The following TWIST2 variants were observed in gnomAD, a reference collection of about 807,000 sequenced individuals.
TWIST2 encodes the protein twist-related protein 2.
Under a neutral mutation model 11.6 loss-of-function variants are expected in TWIST2, and 1 was observed. That is an observed-to-expected ratio of 0.09 (90% CI 0.03 to 0.41). TWIST2 has a LOEUF of 0.41. Ranked by LOEUF, TWIST2 falls within the 10% of genes least tolerant of loss-of-function variation. TWIST2 has a pLI of 0.98. For synonymous variants in TWIST2, 87 were observed against 96.6 expected (o/e 0.90, Z 0.58); for missense variants, 168 against 226.4 (o/e 0.74, Z 1.66).
chr2:238,863,039 G>GTT lies in TWIST2; in HGVS notation c.*35+14318_*35+14319dup, dbSNP rs372449837. On this transcript the variant is annotated intron_variant, in intron 1 of 1. Coordinates refer to ENST00000612363, the MANE Select transcript of TWIST2 (RefSeq NM_001271893.4). The surrounding 1 kb of genome is among the most constrained non-coding windows in gnomAD (Gnocchi z 4.7). ...TGAAAGAGCTTCCTTTCCTTCTTAT[G>GTT]TTTTTTTTTTTTTAATTTCTAGATT... is the stretch of plus-strand genomic sequence containing the variant. 6.8e-6 allele frequency among the ~76,000 whole-genome samples: 1 copy of GTT among 146,484 alleles called. No homozygotes were observed. The highest frequency in any genetic ancestry group is 2.6e-5 in the African/African-American group (1 of 38,846).
In TWIST2 at chr2:238,867,337, A is replaced by G. The variant is rs1377714033; in HGVS notation, c.*35+18604A>G. Among the ~76,000 whole-genome samples the G allele has an allele frequency of 6.8e-6, 1 of 147,662 alleles. No individual in the cohort carries two copies. The highest frequency in any genetic ancestry group is 1.5e-5 in the Non-Finnish European group (1 of 67,296). On this transcript the variant is annotated intron_variant, in intron 1 of 1. Transcript: ENST00000612363. This position sits in a 1 kb window ranked among gnomAD's most constrained non-coding sequence, Gnocchi z 4.8. ...AGTGATTCATCTGATCTGGGATGGAAGATTATTCTGGGGAGTAAAATGTCC... is the reference window on the plus strand; with the variant it reads ...AGTGATTCATCTGATCTGGGATGGAGGATTATTCTGGGGAGTAAAATGTCC...
chr2:238,895,185 A>G (rs1693192886), intron 1 of TWIST2, among the ~76,000 whole-genome samples: 1 of 152,206 alleles, frequency 6.6e-6, no homozygotes, highest in Non-Finnish European at 1.5e-5. Context: ...ACATTTGTAA[A>G]GTTCACGCCC....
intron 1 of TWIST2, among the ~76,000 whole-genome samples, chr2:238,902,707 G>T (rs1368992619): frequency 8.0e-5 from 11 of 138,304 alleles, no homozygotes; most frequent in African/African-American, 2.8e-4. Context: ...TGATGTGTGA[G>T]GTGTGTGTGA....
rs1255819451 is a variant in TWIST2 at position 238,867,414 on chromosome 2, C to CACACACACACACACACA, written c.*35+18681_*35+18682insACACACACACACACACA. On this transcript the variant is annotated intron_variant, in intron 1 of 1. Coordinates refer to ENST00000612363, the MANE Select transcript of TWIST2 (RefSeq NM_001271893.4). The surrounding 1 kb of genome is among the most constrained non-coding windows in gnomAD (Gnocchi z 4.8). ...ACACACACACACACACACACACACT[C>CACACACACACACACACA]CTCAGTAAAATACCCAGTTCTCACC... is the stretch of plus-strand genomic sequence containing the variant. Among the ~76,000 whole-genome samples, 8 of 147,438 alleles carry CACACACACACACACACA rather than the reference C, an allele frequency of 5.4e-5. No individual in the cohort carries two copies. The highest frequency in any genetic ancestry group is 2.0e-4 in the East Asian group (1 of 5,058).
At chr2:238,874,538 G>A (rs1269302628) in intron 1 of TWIST2, among the ~76,000 whole-genome samples, 2 of 152,120 alleles carry the variant, frequency 1.3e-5, no homozygotes, top group Non-Finnish European at 1.5e-5. Flanking sequence ...CTGGTTGGAC[G>A]ACTCTCTCCC....
At chr2:238,862,037 G>A (rs568246476) in intron 1 of TWIST2, among the ~76,000 whole-genome samples, 9 of 152,346 alleles carry the variant, frequency 5.9e-5, no homozygotes, top group African/African-American at 1.9e-4. Context: ...CAGGCCAGCA[G>A]GGACAGTCAC....
At chr2:238,852,303 A>G (rs951629048) in intron 1 of TWIST2, among the ~76,000 whole-genome samples, 8 of 152,206 alleles carry the variant, frequency 5.3e-5, no homozygotes, top group Non-Finnish European at 8.8e-5. Flanking sequence ...TATTTATATT[A>G]ATCTATTCTC....
intron 1 of TWIST2, among the ~76,000 whole-genome samples, chr2:238,906,863 A>G (rs1414049551): frequency 6.6e-6 from 1 of 152,200 alleles, no homozygotes; most frequent in Non-Finnish European, 1.5e-5. Flanking sequence ...GCTCTGCGGG[A>G]GGAGGGTCTC....
At chr2:238,868,648 G>A (rs895733554) in intron 1 of TWIST2, among the ~76,000 whole-genome samples, 2 of 152,216 alleles carry the variant, frequency 1.3e-5, no homozygotes, top group Admixed American at 6.5e-5. Flanking sequence ...TGTGTCTGTG[G>A]GACAAGCCGT....
At chr2:238,902,740 T>G (rs1693287886) in intron 1 of TWIST2, among the ~76,000 whole-genome samples, 2 of 98,248 alleles carry the variant, frequency 2.0e-5, no homozygotes, top group East Asian at 2.9e-4. Flanking sequence ...GTAGTGTGTG[T>G]GATGGGTGTG....
At chr2:238,856,558 A>G (rs1161872911) in intron 1 of TWIST2, among the ~76,000 whole-genome samples, 1 of 152,176 alleles carries the variant, frequency 6.6e-6, no homozygotes, top group Non-Finnish European at 1.5e-5. Context: ...AGGACAAAAT[A>G]AAAGAGAAGG....
chr2:238,892,683 G>T (rs1031499295), intron 1 of TWIST2, among the ~76,000 whole-genome samples: 1 of 151,980 alleles, frequency 6.6e-6, no homozygotes, highest in Admixed American at 6.6e-5. Flanking sequence ...ATTTCACCAT[G>T]TTACCCAGGC....
intron 1 of TWIST2, among the ~76,000 whole-genome samples, chr2:238,860,397 C>A (rs1692410953): frequency 6.6e-6 from 1 of 152,206 alleles, no homozygotes; most frequent in East Asian, 1.9e-4. Flanking sequence ...AAACCGCCCA[C>A]CCAAGAGGGA....
At chr2:238,869,792 TAAA>T (rs1425427639) in intron 1 of TWIST2, among the ~76,000 whole-genome samples, 3 of 151,824 alleles carry the variant, frequency 2.0e-5, no homozygotes, top group Non-Finnish European at 2.9e-5. Flanking sequence ...AAAATGAAAA[TAAA>T]AAAGTAGCAG....
chr2:238,897,992 C>A lies in TWIST2; in HGVS notation c.*36-11850C>A, dbSNP rs1474526273. On this transcript the variant is annotated intron_variant, in intron 1 of 1. Transcript: ENST00000612363. ...CTGAGGCATGGTCCACAGGGCTGGA[C>A]TCGGCCTGGGTGCACAGCTCTGTCC... 2.6e-5 allele frequency among the ~76,000 whole-genome samples: 4 copies of A among 152,344 alleles called. No individual in the cohort carries two copies. In the East Asian group the frequency reaches 5.8e-4, roughly 22 times the overall value.
chr2:238,868,231 A>T (rs1225155884), intron 1 of TWIST2, among the ~76,000 whole-genome samples: 1 of 152,114 alleles, frequency 6.6e-6, no homozygotes, highest in Non-Finnish European at 1.5e-5. Flanking sequence ...GCCCTTAGAC[A>T]TCGTCTAGTA....
At chr2:238,893,474 C>T (rs1693172719) in intron 1 of TWIST2, among the ~76,000 whole-genome samples, 1 of 152,118 alleles carries the variant, frequency 6.6e-6, no homozygotes, top group South Asian at 2.1e-4. Context: ...TTCCAGGCCC[C>T]GCCCTCCCCA....
At chr2:238,902,406 CAG>C (rs1371904589) in intron 1 of TWIST2, among the ~76,000 whole-genome samples, 2 of 146,846 alleles carry the variant, frequency 1.4e-5, no homozygotes, top group South Asian at 2.2e-4. Context: ...TTGTGTTAAT[CAG>C]GGTGTGTGTG....
Position 238,861,531 on chromosome 2 carries a change from C to T in TWIST2, c.*35+12798C>T, listed in dbSNP as rs530470502. On this transcript the variant is annotated intron_variant, in intron 1 of 1. Coordinates refer to ENST00000612363, the MANE Select transcript of TWIST2 (RefSeq NM_001271893.4). Reference sequence around the variant, plus strand: ...TCTGAGGCAAGTCGGCACCCTTAGGCGCCCGGTGGGGGTAGTGTTCCGCCC... The same window carrying T: ...TCTGAGGCAAGTCGGCACCCTTAGGTGCCCGGTGGGGGTAGTGTTCCGCCC... Among the ~76,000 whole-genome samples, 4 of 152,216 alleles carry T rather than the reference C, an allele frequency of 2.6e-5. No individual in the cohort carries two copies. In the East Asian group the frequency reaches 7.7e-4, roughly 29 times the overall value.
Sources: allele counts gnomAD v4.1 joint callset (sites outside exome capture counted in the v4.1 genomes callset), GRCh38; gene constraint gnomAD v4.1.1; non-coding constraint Gnocchi (gnomAD v3.1); transcripts MANE v1.5; gene names NCBI Gene and HGNC (gene_info 2026-07-23, HGNC 2026-07-21).